The following TP73 variants were observed in gnomAD, a reference collection of about 807,000 sequenced individuals.
The protein encoded by TP73 is p53-like transcription factor.
In TP73, 25 loss-of-function variants were observed where a neutral mutation model predicts 62.5. The ratio of observed to expected loss-of-function variants is 0.40; its 90% CI spans 0.29 to 0.56. The LOEUF (loss-of-function observed/expected upper bound fraction) is 0.56. TP73 is among the 20% of genes least tolerant of loss of function. The probability of loss-of-function intolerance (pLI) is 0.46; values close to 1 mark genes in which losing one functional copy is unlikely to be tolerated. For missense variants in TP73, 754 were observed against 913.3 expected (o/e 0.83, Z 2.25); for synonymous variants, 423 against 377.5 (o/e 1.12, Z -1.40).
chr1:3,692,959 C>A (rs1461288344), intron 3 of TP73, among the ~76,000 whole-genome samples: 2 of 152,292 alleles, frequency 1.3e-5, no homozygotes, highest in African/African-American at 4.8e-5. Context: ...GCCAGCTGTG[C>A]CATCACTGTT....
rs1340560307 is a variant in TP73, at chr1:3,732,949, T to C, written c.1781T>C (p.Ile594Thr). The C allele has an allele frequency of 6.2e-7, 1 of 1,609,212 alleles. No individual in the cohort carries two copies. Among genetic ancestry groups the C allele is most frequent in the South Asian group, 1.1e-5 (1 of 90,766 alleles). The change falls in exon 14 of 14, where the codon ATC becomes ACC. Residue 594 changes from isoleucine (I) to threonine (T), a missense_variant. Physicochemically the swap from Ile to Thr is moderately conservative, Grantham distance 89. Around this residue, in one of 3 missense-constraint regions of TP73, gnomAD observed 458 missense variants for 528.7 expected, o/e 0.87. Transcript: ENST00000378295. Reference protein sequence around the residue: ...EAVHFRVRHTITIPNRGGPGG... With the variant: ...EAVHFRVRHTTTIPNRGGPGG... ...GTGCACTTCCGCGTGCGCCACACCA[T>C]CACCATCCCCAACCGCGGCGGCCCA...
At chr1:3,676,212 GAGA>G (rs1014438124) in intron 1 of TP73, among the ~76,000 whole-genome samples, 1 of 150,166 alleles carries the variant, frequency 6.7e-6, no homozygotes, top group Non-Finnish European at 1.5e-5. Flanking sequence ...CAGAGGATGG[GAGA>G]AGGAGAGGTC....
chr1:3,700,877 CTGAAAT>C (rs1639102530), intron 3 of TP73, among the ~76,000 whole-genome samples: 1 of 152,216 alleles, frequency 6.6e-6, no homozygotes, highest in Admixed American at 6.5e-5. Context: ...CCAACTTAAT[CTGAAAT>C]AGAACAGAAC....
At chr1:3,653,727 G>A (rs901862594) in intron 1 of TP73, among the ~76,000 whole-genome samples, 4 of 152,196 alleles carry the variant, frequency 2.6e-5, no homozygotes, top group African/African-American at 4.8e-5. Flanking sequence ...TAAACAAAGC[G>A]CGTGGCCTCT....
In TP73 at chr1:3,727,760, C is replaced by A. The variant is rs754153331; in HGVS notation, c.975C>A (p.Ala325=). The A allele has an allele frequency of 6.5e-7, 1 of 1,541,854 alleles. No individual in the cohort carries two copies. Reference sequence around the variant, plus strand: ...AGAGCTCCGCCAAGAACGGGGCCGCCAGCAAGCGTGGTGAGCGGCCGGCCA... The same window carrying A: ...AGAGCTCCGCCAAGAACGGGGCCGCAAGCAAGCGTGGTGAGCGGCCGGCCA... The part of the protein sequence containing the change: ...LNESSAKNGA[A]SKRAFKQSPP... The change falls in exon 8 of 14, where the codon GCC becomes GCA. Residue 325 remains alanine (A), a synonymous_variant. Transcript: ENST00000378295.
In TP73 at chr1:3,672,946, G is replaced by A. The variant is rs1048707255; in HGVS notation, c.-33-9387G>A. 1.4e-4 allele frequency among the ~76,000 whole-genome samples: 22 copies of A among 152,168 alleles called. No individual in the cohort carries two copies. The highest frequency in any genetic ancestry group is 2.4e-4 in the African/African-American group (10 of 41,426). ...CCAGGAGCACCGCCCACTCCAAGGC[G>A]CAAGCAAGCTGGGGCTGGGGTGCAG... is the stretch of plus-strand genomic sequence containing the variant. On this transcript the variant is annotated intron_variant, in intron 1 of 13. Transcript: ENST00000378295. The surrounding 1 kb of genome is among the most constrained non-coding windows in gnomAD (Gnocchi z 5.3).
chr1:3,700,213 C>A (rs1222447511), intron 3 of TP73, among the ~76,000 whole-genome samples: 1 of 152,064 alleles, frequency 6.6e-6, no homozygotes, highest in Non-Finnish European at 1.5e-5. Context: ...ATCTCCTCCG[C>A]TGGAGGAGTC....
chr1:3,705,522 G>A (rs754302494), intron 3 of TP73, among the ~76,000 whole-genome samples: 7 of 152,372 alleles, frequency 4.6e-5, no homozygotes, highest in Admixed American at 1.3e-4. Flanking sequence ...AGCTTCAGCC[G>A]AGGCCTCGTG....
At chr1:3,716,333 G>A (rs1030517786) in intron 4 of TP73, among the ~76,000 whole-genome samples, 1 of 152,186 alleles carries the variant, frequency 6.6e-6, no homozygotes, top group African/African-American at 2.4e-5. Context: ...GGCAGCGCTG[G>A]GCCTGGCACT....
chr1:3,686,339 C>T (rs367565172), intron 3 of TP73, among the ~76,000 whole-genome samples: 3 of 152,304 alleles, frequency 2.0e-5, no homozygotes, highest in Admixed American at 6.5e-5. Flanking sequence ...GCTTAGCAGC[C>T]GTGGGAGACA....
rs200533603 is a variant in TP73, at chr1:3,672,364, C to T, written c.-33-9969C>T. On this transcript the variant is annotated intron_variant, in intron 1 of 13. Coordinates refer to ENST00000378295, the MANE Select transcript of TP73 (RefSeq NM_005427.4). The surrounding 1 kb of genome is among the most constrained non-coding windows in gnomAD (Gnocchi z 5.3). The stretch of plus-strand genomic sequence containing the variant: ...TGGCCGCACAAAGGCTAGTGACACC[C>T]GGTGTGATCCCTTGGGGTAGAAAGG... Among the ~76,000 whole-genome samples, 3 of 152,208 alleles carry T rather than the reference C, an allele frequency of 2.0e-5. No homozygotes were observed. Among genetic ancestry groups the T allele is most frequent in the East Asian group, 1.9e-4 (1 of 5,172 alleles).
intron 4 of TP73, among the ~76,000 whole-genome samples, chr1:3,714,905 G>A (rs551871230): frequency 1.3e-3 from 197 of 152,332 alleles, no homozygotes; most frequent in South Asian, 1.7e-3. Flanking sequence ...GGAGTTCCTC[G>A]CCCTGCCTGG....
At chr1:3,721,823 A>G (rs1257436169) in intron 4 of TP73, among the ~76,000 whole-genome samples, 198 bp from the exon 5 acceptor site, 1 of 152,194 alleles carries the variant, frequency 6.6e-6, no homozygotes, top group Admixed American at 6.5e-5. Context: ...AGTGGGTGCC[A>G]GGGCAGCTGT....
intron 13 of TP73, 22 bp downstream of exon 13, chr1:3,731,578 C>T: frequency 6.2e-7 from 1 of 1,609,408 alleles, no homozygotes; most frequent in Non-Finnish European, 8.5e-7. Context: ...GTGGACCCCG[C>T]TCTGCAGAGG....
Position 3,698,391 on chromosome 1 carries a change from C to T in TP73, c.187-9158C>T, listed in dbSNP as rs139396493. Among the ~76,000 whole-genome samples, 121 of 152,326 alleles carry T rather than the reference C, an allele frequency of 7.9e-4. 4 individuals are homozygous for T. In the East Asian group the frequency reaches 0.022, roughly 28 times the overall value. On this transcript the variant is annotated intron_variant, in intron 3 of 13. Coordinates refer to ENST00000378295, the MANE Select transcript of TP73 (RefSeq NM_005427.4). The stretch of plus-strand genomic sequence containing the variant: ...TCTGTGCATCCTGTTGGCCACCTGC[C>T]TCTCATAGGCAGCAGCACAGGGCCT...
In TP73 at chr1:3,696,698, G is replaced by A. The variant is rs906371062; in HGVS notation, c.187-10851G>A. On this transcript the variant is annotated intron_variant, in intron 3 of 13. Coordinates refer to ENST00000378295, the MANE Select transcript of TP73 (RefSeq NM_005427.4). The surrounding 1 kb of genome is among the most constrained non-coding windows in gnomAD (Gnocchi z 4.1). The stretch of plus-strand genomic sequence containing the variant: ...AGGGCCCAACTGGGAATGGCTCATG[G>A]GATTGCTGAGCATGGCCAAGGGAGC... 7.9e-5 allele frequency among the ~76,000 whole-genome samples: 12 copies of A among 152,202 alleles called. No individual in the cohort carries two copies. Among genetic ancestry groups the A allele is most frequent in the Middle Eastern group, 3.4e-3 (1 of 294 alleles).
intron 3 of TP73, chr1:3,690,718 T>G: frequency 7.0e-7 from 1 of 1,431,228 alleles, no homozygotes; most frequent in Non-Finnish European, 9.1e-7. Context: ...AAAGCGAAAA[T>G]GCCAACAAAC....
intron 1 of TP73, among the ~76,000 whole-genome samples, chr1:3,657,473 T>C (rs1314402576): frequency 6.6e-6 from 1 of 152,236 alleles, no homozygotes; most frequent in Admixed American, 6.5e-5. Flanking sequence ...CTTACCTAAG[T>C]GGCATCTGCA....
chr1:3,673,863 G>T (rs1051841836), intron 1 of TP73, among the ~76,000 whole-genome samples: 1 of 152,176 alleles, frequency 6.6e-6, no homozygotes, highest in Non-Finnish European at 1.5e-5. Context: ...CAGGGTGCGG[G>T]GTGTGGCTGT....
Sources: gnomAD v4.1 joint callset for allele counts (sites outside exome capture counted in the v4.1 genomes callset) on GRCh38, gnomAD v4.1.1 for gene constraint, gnomAD v4.1.1 regional missense constraint, Gnocchi (gnomAD v3.1) non-coding constraint, MANE v1.5 for transcripts, NCBI Gene and HGNC (gene_info 2026-07-23, HGNC 2026-07-21) for gene names.